EML6: variants seen among roughly 807,000 people sequenced by gnomAD.
EML6 encodes the protein EMAP like 6.
Under a neutral mutation model 240.1 loss-of-function variants are expected in EML6, and 154 were observed. That is an observed-to-expected ratio of 0.64 (90% CI 0.56 to 0.73). The LOEUF is 0.73. Ranked by LOEUF, EML6 falls within the 30% of genes least tolerant of loss-of-function variation. The pLI, the probability that EML6 is intolerant of heterozygous loss-of-function variation, is 0.00. For synonymous variants in EML6, 1,148 were observed against 899.0 expected (o/e 1.28, Z -4.95); for missense variants, 2,964 against 2,474.6 (o/e 1.20, Z -4.20).
intron 24 of EML6, among the ~76,000 whole-genome samples, chr2:54,910,699 G>T (rs1673593792): frequency 6.6e-6 from 1 of 152,078 alleles, no homozygotes; most frequent in African/African-American, 2.4e-5. Context: ...AACATATCAA[G>T]CTTTATTCTT....
chr2:54,938,326 T>G (rs1006073580), intron 28 of EML6, among the ~76,000 whole-genome samples: 1 of 152,130 alleles, frequency 6.6e-6, no homozygotes, highest in African/African-American at 2.4e-5. Flanking sequence ...TAGATGAAGT[T>G]TCTGTAATTT....
intron 24 of EML6, among the ~76,000 whole-genome samples, chr2:54,910,541 G>GT (rs1395155750): frequency 6.6e-6 from 1 of 152,206 alleles, no homozygotes; most frequent in Non-Finnish European, 1.5e-5. Context: ...AATGCTCACA[G>GT]TAAGTGTTTT....
At chr2:54,813,462 C>G in intron 3 of EML6, 71 bp downstream of exon 3, 1 of 1,268,230 alleles carries the variant, frequency 7.9e-7, no homozygotes, top group Non-Finnish European at 1.1e-6. Flanking sequence ...ATAGGAATAG[C>G]CAGTAGATTC....
chr2:54,788,160 G>A (rs760891531), intron 2 of EML6, among the ~76,000 whole-genome samples: 2 of 152,210 alleles, frequency 1.3e-5, no homozygotes, highest in Admixed American at 6.5e-5. Context: ...GGCTTAGGTC[G>A]CCAGGTTCTC....
At chr2:54,777,501 T>G (rs1049290219) in intron 2 of EML6, among the ~76,000 whole-genome samples, 1 of 152,264 alleles carries the variant, frequency 6.6e-6, no homozygotes, top group Non-Finnish European at 1.5e-5. Flanking sequence ...GCACCATTTC[T>G]CAGTACTTAA....
At chr2:54,779,153 AG>A (rs1397678614) in intron 2 of EML6, among the ~76,000 whole-genome samples, 1 of 152,202 alleles carries the variant, frequency 6.6e-6, no homozygotes, top group African/African-American at 2.4e-5. Flanking sequence ...TGAACTTGTC[AG>A]TGGTAGAACT....
chr2:54,801,505 GA>G (rs1032776675), intron 2 of EML6, among the ~76,000 whole-genome samples: 3 of 152,204 alleles, frequency 2.0e-5, no homozygotes, highest in Non-Finnish European at 2.9e-5. Context: ...TCTCCAGTGT[GA>G]TGTCTGGGAT....
intron 16 of EML6, among the ~76,000 whole-genome samples, chr2:54,876,614 A>G (rs904021514): frequency 4.6e-5 from 7 of 152,264 alleles, no homozygotes; most frequent in Non-Finnish European, 1.0e-4. Flanking sequence ...ACAGATTTCA[A>G]AAGAAAACAT....
chr2:54,883,911 G>C (rs1210233441), intron 17 of EML6, among the ~76,000 whole-genome samples: 1 of 152,152 alleles, frequency 6.6e-6, no homozygotes, highest in Non-Finnish European at 1.5e-5. Flanking sequence ...GTGTTTTTAT[G>C]ACATAGAGTA....
intron 5 of EML6, among the ~76,000 whole-genome samples, chr2:54,824,084 G>T (rs1668471760): frequency 6.6e-6 from 1 of 152,014 alleles, no homozygotes; most frequent in South Asian, 2.1e-4. Context: ...TTTCTTTAGT[G>T]AACTACCTTG....
intron 22 of EML6, among the ~76,000 whole-genome samples, chr2:54,901,836 G>A (rs1425176847): frequency 2.6e-5 from 4 of 152,222 alleles, no homozygotes; most frequent in East Asian, 1.9e-4. Flanking sequence ...TCGACAATAA[G>A]AATGGTGGCA....
chr2:54,803,868 G>T (rs1670313078), intron 2 of EML6, among the ~76,000 whole-genome samples: 2 of 152,164 alleles, frequency 1.3e-5, no homozygotes, highest in Admixed American at 1.3e-4. Context: ...CTGTGGTGCT[G>T]ACTCTCCACT....
At chr2:54,923,716 C>G (rs981402106) in intron 26 of EML6, among the ~76,000 whole-genome samples, 1 of 152,052 alleles carries the variant, frequency 6.6e-6, no homozygotes, top group Non-Finnish European at 1.5e-5. Flanking sequence ...GCTCATGTAC[C>G]TATATAAACA....
At chr2:54,775,814 C>G (rs1051500002) in intron 2 of EML6, among the ~76,000 whole-genome samples, 7 of 152,048 alleles carry the variant, frequency 4.6e-5, no homozygotes, top group African/African-American at 9.7e-5. Context: ...CAACTAAAAC[C>G]CATTCTAACA....
intron 2 of EML6, among the ~76,000 whole-genome samples, chr2:54,795,098 C>G (rs939022509): frequency 6.6e-6 from 1 of 152,140 alleles, no homozygotes; most frequent in African/African-American, 2.4e-5. Flanking sequence ...TTAACTTGGT[C>G]TTAAGCTTCT....
intron 2 of EML6, among the ~76,000 whole-genome samples, chr2:54,802,003 C>T (rs1051720392): frequency 6.6e-6 from 1 of 152,200 alleles, no homozygotes; most frequent in African/African-American, 2.4e-5. Context: ...TGTGTTCTTG[C>T]ATCCATCTTG....
rs535282687 is a variant in EML6 at position 54,882,789 on chromosome 2, C to G, written c.2438+3149C>G. On this transcript the variant is annotated intron_variant, in intron 17 of 41. Transcript: ENST00000356458. ...AGGAGAACGGCGTGAACCCGGGAGG[C>G]GGAGCTTGCAGTGAGCCGAGATCAC... is the stretch of plus-strand genomic sequence containing the variant. 4 of 138,904 alleles carry G rather than the reference C, an allele frequency of 2.9e-5. No individual in the cohort carries two copies. In the East Asian group the frequency reaches 8.4e-4, roughly 29 times the overall value. The allele number at this position is 138,904 out of a possible 1,614,324, so 8.6% of individuals were successfully genotyped here.
intron 2 of EML6, among the ~76,000 whole-genome samples, chr2:54,790,758 C>G (rs1279237500): frequency 4.9e-5 from 7 of 142,744 alleles, no homozygotes; most frequent in Non-Finnish European, 9.0e-5. Flanking sequence ...CGGAGTTACG[C>G]TCTGTCGCCC....
intron 6 of EML6, 122 bp from the exon 7 acceptor site, chr2:54,829,220 G>C (rs1668743470): frequency 2.4e-6 from 2 of 827,328 alleles, no homozygotes; most frequent in Admixed American, 3.1e-5. Context: ...CATTTCAATA[G>C]AGAACAAAGG....
Sources: allele counts gnomAD v4.1 joint callset (sites outside exome capture counted in the v4.1 genomes callset), GRCh38; gene constraint gnomAD v4.1.1; transcripts MANE v1.5; gene names NCBI Gene and HGNC (gene_info 2026-07-23, HGNC 2026-07-21).